Variants in CCDC190 observed in about 807,000 individuals in gnomAD.
The protein encoded by CCDC190 is coiled-coil domain-containing protein 190.
A neutral mutation model predicts 13.1 loss-of-function variants in CCDC190; 10 were observed. The ratio of observed to expected loss-of-function variants is 0.77; its 90% CI spans 0.47 to 1.30. CCDC190 has a LOEUF of 1.30. CCDC190 is among the 50% of genes most tolerant of loss of function. The pLI, the probability that CCDC190 is intolerant of heterozygous loss-of-function variation, is 0.00. For missense variants in CCDC190, 375 were observed against 354.3 expected (o/e 1.06, Z -0.47); for synonymous variants, 136 against 127.2 (o/e 1.07, Z -0.47).
chr1:162,852,913 A>G lies in CCDC190; in HGVS notation c.*1852T>C. The stretch of plus-strand genomic sequence containing the variant: ...GGCAAGGCTTGCGTAGAAGACAAGA[A>G]GAAAGAACTTTTAGGAAAGAGCTTG... On this transcript the variant is annotated 3_prime_UTR_variant, in exon 4 of 4. Coordinates refer to ENST00000367912, the MANE Select transcript of CCDC190 (RefSeq NM_001394065.1). 1.7e-6 allele frequency: 1 copy of G among 575,580 alleles called. No individual in the cohort carries two copies. Among genetic ancestry groups the G allele is most frequent in the South Asian group, 2.2e-5 (1 of 44,530 alleles). The allele number at this position is 575,580 out of a possible 1,614,324, so 35.7% of individuals were successfully genotyped here.
At chr1:162,856,823 T>C (rs984874808) in intron 2 of CCDC190, among the ~76,000 whole-genome samples, 9 of 152,296 alleles carry the variant, frequency 5.9e-5, no homozygotes, top group African/African-American at 2.2e-4. Flanking sequence ...TTTGTGAGCC[T>C]TTCTTCCTTT....
intron 2 of CCDC190, among the ~76,000 whole-genome samples, chr1:162,857,095 C>G (rs1255235191): frequency 1.3e-5 from 2 of 152,292 alleles, no homozygotes; most frequent in African/African-American, 4.8e-5. Flanking sequence ...TACTTTGTGC[C>G]AGGTAATATA....
At chr1:162,862,512 G>A (rs1488306304), upstream of CCDC190, among the ~76,000 whole-genome samples, 1 of 152,162 alleles carries the variant, frequency 6.6e-6, no homozygotes, top group Non-Finnish European at 1.5e-5. Flanking sequence ...TTCATCTGGA[G>A]GGGAAATAGA....
Position 162,852,172 on chromosome 1 carries a change from G to A in CCDC190, c.*2593C>T, listed in dbSNP as rs549954292. Reference sequence around the variant, plus strand: ...TCTTTGTTTTAGAGGGCTGCCCCATGTATTATAGAATTTATGGTCCCTACC... The same window carrying A: ...TCTTTGTTTTAGAGGGCTGCCCCATATATTATAGAATTTATGGTCCCTACC... On this transcript the variant is annotated 3_prime_UTR_variant, in exon 4 of 4. Coordinates refer to ENST00000367912, the MANE Select transcript of CCDC190 (RefSeq NM_001394065.1). 1 of 152,336 alleles carries A rather than the reference G, an allele frequency of 6.6e-6. No homozygotes were observed. Among genetic ancestry groups the A allele is most frequent in the South Asian group, 2.1e-4 (1 of 4,828 alleles). 9.4% of individuals were successfully genotyped at this position (152,336 alleles called of 1,614,324 possible). A position where few individuals can be genotyped will look rare whatever the true frequency, so the allele number is the denominator to read the frequency against.
chr1:162,863,668 G>A (rs1650601566), upstream of CCDC190, among the ~76,000 whole-genome samples: 1 of 152,112 alleles, frequency 6.6e-6, no homozygotes, highest in African/African-American at 2.4e-5. Context: ...AGGAGACAAA[G>A]GTGTAAGTTC....
In CCDC190 at chr1:162,855,085, G is replaced by A; in HGVS notation, c.586C>T (p.Pro196Ser). 1.2e-6 allele frequency: 2 copies of A among 1,613,974 alleles called. No individual in the cohort carries two copies. The highest frequency in any genetic ancestry group is 1.1e-5 in the South Asian group (1 of 91,080). The change falls in exon 4 of 4, where the codon CCA becomes TCA. Residue 196 changes from proline to serine, a missense_variant. By Grantham distance (74) the Pro-to-Ser change is moderately conservative (BLOSUM62 -1). Coordinates refer to ENST00000367912, the MANE Select transcript of CCDC190 (RefSeq NM_001394065.1). ...NTIEQGPSSS[P>S]ASDSGMACAD... The stretch of plus-strand genomic sequence containing the variant: ...CATGCCATTCCACTATCACTAGCTG[G>A]GCTGGAACTAGGACCTTGTTCTATG...
At chr1:162,861,569 G>A (rs1405968292), upstream of CCDC190, among the ~76,000 whole-genome samples, 1 of 152,112 alleles carries the variant, frequency 6.6e-6, no homozygotes, top group Non-Finnish European at 1.5e-5. Context: ...CAGGAGAGAA[G>A]TTAATTTGTT....
upstream of CCDC190, among the ~76,000 whole-genome samples, chr1:162,863,536 G>A (rs1169230393): frequency 6.6e-6 from 1 of 152,152 alleles, no homozygotes; most frequent in Non-Finnish European, 1.5e-5. Context: ...AGATAGGATG[G>A]TGATCCCTGA....
At chr1:162,857,371 C>A (rs574102535) in intron 2 of CCDC190, among the ~76,000 whole-genome samples, 1 of 152,200 alleles carries the variant, frequency 6.6e-6, no homozygotes, top group Non-Finnish European at 1.5e-5. Context: ...GTCTCAAACC[C>A]TACAGGGTGA....
chr1:162,864,642 TTATAA>T (rs371435246), upstream of CCDC190, among the ~76,000 whole-genome samples: 753 of 152,280 alleles, frequency 4.9e-3, 7 homozygotes, highest in Admixed American at 8.4e-3. Flanking sequence ...TATAAGGTTC[TTATAA>T]TATATTTGCA....
At chr1:162,862,954 C>CTTT (rs201288657), upstream of CCDC190, among the ~76,000 whole-genome samples, 48 of 146,192 alleles carry the variant, frequency 3.3e-4, no homozygotes, top group African/African-American at 7.3e-4. Flanking sequence ...GTGGAATGGA[C>CTTT]TTTTTTTTTT....
upstream of CCDC190, among the ~76,000 whole-genome samples, chr1:162,863,637 G>A (rs1056673877): frequency 5.9e-5 from 9 of 152,120 alleles, no homozygotes; most frequent in Non-Finnish European, 1.2e-4. Flanking sequence ...ATTGAGCAAC[G>A]AGGCAGGGGT....
intron 1 of CCDC190, among the ~76,000 whole-genome samples, chr1:162,867,013 AAAAT>A (rs1650730800): frequency 6.6e-6 from 1 of 152,130 alleles, no homozygotes; most frequent in African/African-American, 2.4e-5. Flanking sequence ...ATAAGAAAAG[AAAAT>A]TTTTGTAAAC....
Position 162,859,482 on chromosome 1 carries a change from T to G in CCDC190, c.165A>C (p.Lys55Asn). ...TACCTTGCTGCAACCTCTGCAGTTC[T>G]TTTTGGAGCTGCCTCTGCTCCCAGG... ...LLTWEQRQLQKELQRLQQETM... is the reference protein window; with the variant it reads ...LLTWEQRQLQNELQRLQQETM... Residue 55 changes from lysine to asparagine, a missense_variant, in exon 2 of 4, where the codon AAA becomes AAC. By Grantham distance (94) the Lys-to-Asn change is moderately conservative. Transcript: ENST00000367912. 1 of 1,613,450 alleles carries G rather than the reference T, an allele frequency of 6.2e-7. No individual in the cohort carries two copies. Among genetic ancestry groups the G allele is most frequent in the Admixed American group, 1.7e-5 (1 of 59,950 alleles).
Position 162,851,743 on chromosome 1 carries a change from G to C in CCDC190, c.*3022C>G, listed in dbSNP as rs945817144. On this transcript the variant is annotated 3_prime_UTR_variant, in exon 4 of 4. Transcript: ENST00000367912. ...ATCTGTCCCCAGTACATCTCTGAAT[G>C]AATGAATGAATGAATGAATGTAATA... 5.3e-5 allele frequency: 8 copies of C among 151,610 alleles called. No homozygotes were observed. Among genetic ancestry groups the C allele is most frequent in the Non-Finnish European group, 1.0e-4 (7 of 67,672 alleles). 9.4% of individuals were successfully genotyped at this position (151,610 alleles called of 1,614,324 possible). A position where few individuals can be genotyped will look rare whatever the true frequency, so the allele number is the denominator to read the frequency against.
intron 1 of CCDC190, among the ~76,000 whole-genome samples, chr1:162,860,243 C>T (rs966572185): frequency 8.5e-5 from 13 of 152,106 alleles, no homozygotes; most frequent in South Asian, 6.2e-4. Context: ...GGGGCTTTCT[C>T]GAAAAGTGGA....
At chr1:162,857,100 A>G (rs1259123589) in intron 2 of CCDC190, among the ~76,000 whole-genome samples, 1 of 152,166 alleles carries the variant, frequency 6.6e-6, no homozygotes, top group African/African-American at 2.4e-5. Flanking sequence ...TGTGCCAGGT[A>G]ATATACTTTT....
upstream of CCDC190, among the ~76,000 whole-genome samples, chr1:162,862,186 G>C (rs1205723177): frequency 6.6e-6 from 1 of 152,156 alleles, no homozygotes; most frequent in Non-Finnish European, 1.5e-5. Flanking sequence ...CAATAGAGCA[G>C]CCCCCATTCC....
chr1:162,854,874 G>C lies in CCDC190; in HGVS notation c.797C>G (p.Ser266Cys). The C allele has an allele frequency of 6.2e-7, 1 of 1,614,014 alleles. No individual in the cohort carries two copies. Among genetic ancestry groups the C allele is most frequent in the Non-Finnish European group, 8.5e-7 (1 of 1,179,894 alleles). Residue 266 changes from serine to cysteine, a missense_variant, in exon 4 of 4, where the codon TCT becomes TGT. Transcript: ENST00000367912. Reference protein sequence around the residue: ...HYLRHRVPPESERLLSIGEIF... With the variant: ...HYLRHRVPPECERLLSIGEIF... Reference sequence around the variant, plus strand: ...CTCTCCAATGCTAAGCAACCTCTCAGACTCAGGGGGGACCCTGTGCCGGAG... The same window carrying C: ...CTCTCCAATGCTAAGCAACCTCTCACACTCAGGGGGGACCCTGTGCCGGAG...
Sources: allele counts gnomAD v4.1 joint callset (sites outside exome capture counted in the v4.1 genomes callset), GRCh38; gene constraint gnomAD v4.1.1; transcripts MANE v1.5; gene names NCBI Gene and HGNC (gene_info 2026-07-23, HGNC 2026-07-21).